The following MRFAP1L1 variants were observed in gnomAD, a reference collection of about 807,000 sequenced individuals.
The protein encoded by MRFAP1L1 is Morf4 family associated protein 1 like 1, also known as MORF4 family-associated protein 1-like 1.
Under a neutral mutation model 10.6 loss-of-function variants are expected in MRFAP1L1, and 9 were observed. That is an observed-to-expected ratio of 0.85 (90% CI 0.51 to 1.48). The LOEUF is 1.48. MRFAP1L1 is among the 40% of genes most tolerant of loss of function. The pLI, the probability that MRFAP1L1 is intolerant of heterozygous loss-of-function variation, is 0.00. For missense variants in MRFAP1L1, 177 were observed against 171.4 expected, an observed-to-expected ratio of 1.03 and a Z score of -0.18; for synonymous variants, 78 against 70.4, an observed-to-expected ratio of 1.11 and a Z score of -0.54.
At position 6,709,131 on chromosome 4, in the gene MRFAP1L1, G is replaced by A. The variant is rs533235111; in HGVS notation, c.*15+100C>T. 2,035 of 1,270,826 alleles carry A rather than the reference G, an allele frequency of 1.6e-3. 6 individuals are homozygous for A. Among genetic ancestry groups the A allele is most frequent in the Non-Finnish European group, 2.1e-3 (1,899 of 909,498 alleles). The allele number at this position is 1,270,826 out of a possible 1,614,324, so 78.7% of individuals were successfully genotyped here. A position where few individuals can be genotyped will look rare whatever the true frequency, so the allele number is the denominator to read the frequency against. ...TCAATTTTTGATGCAATAAAATGGG[G>A]GATGCAGGCCTAGAACATAACTTTT... On this transcript the variant is annotated intron_variant, in intron 1 of 1. Transcript: ENST00000320848.
rs1714718836 is a variant in MRFAP1L1, at chr4:6,709,506, G to A, written c.124C>T (p.Leu42Phe). 3 of 1,614,168 alleles carry A rather than the reference G, an allele frequency of 1.9e-6. No homozygotes were observed. Among genetic ancestry groups the A allele is most frequent in the South Asian group, 1.1e-5 (1 of 91,096 alleles). Reference sequence around the variant, plus strand: ...TACGCCCGCCCGTGCTCGCGTATAAGAGACGCGATGTCCTCGCGCATCTCG... The same window carrying A: ...TACGCCCGCCCGTGCTCGCGTATAAAAGACGCGATGTCCTCGCGCATCTCG... ...INEMREDIAS[L>F]IREHGRAYLR... The change falls in exon 1 of 2, where the codon CTT (leucine) becomes TTT (phenylalanine). Residue 42 changes from leucine to phenylalanine, a missense_variant. Physicochemically the swap from Leu to Phe is conservative, Grantham distance 22. Transcript: ENST00000320848.
At chr4:6,709,161 G>A in intron 1 of MRFAP1L1, 70 bp downstream of exon 1, 13 of 1,517,092 alleles carry the variant, frequency 8.6e-6, no homozygotes, top group South Asian at 6.2e-5. Flanking sequence ...ACTTTTTACA[G>A]GGCGCGGTTT....
chr4:6,708,796 T>C (rs562680546), intron 1 of MRFAP1L1, 153 bp from the exon 2 acceptor site: 349 of 164,210 alleles, frequency 2.1e-3, no homozygotes, highest in Non-Finnish European at 2.3e-3. Flanking sequence ...AATCTGGAAA[T>C]TTCAGGTAAT....
In MRFAP1L1 at chr4:6,709,766, A is replaced by C; in HGVS notation, c.-137T>G. 1 of 1,158,786 alleles carries C rather than the reference A, an allele frequency of 8.6e-7. No individual in the cohort carries two copies. The highest frequency in any genetic ancestry group is 1.2e-6 in the Non-Finnish European group (1 of 836,314). 71.8% of individuals were successfully genotyped at this position (1,158,786 alleles called of 1,614,324 possible). On this transcript the variant is annotated 5_prime_UTR_variant, in exon 1 of 2. Coordinates refer to ENST00000320848, the MANE Select transcript of MRFAP1L1 (RefSeq NM_203462.3). ...TCAATTGTACTCCCGAATTATCTTT[A>C]TTTTTTTTTCTTCCTTTTAATTGTA...
At chr4:6,709,001 CTAAT>C in intron 1 of MRFAP1L1, 1 of 541,780 alleles carries the variant, frequency 1.8e-6, no homozygotes. Context: ...TTATCTTTCT[CTAAT>C]TAACAGCGTG....
At position 6,709,333 on chromosome 4, in the gene MRFAP1L1, C is replaced by T. The variant is rs1406782791; in HGVS notation, c.297G>A (p.Lys99=). 1 of 1,614,274 alleles carries T rather than the reference C, an allele frequency of 6.2e-7. No homozygotes were observed. Among genetic ancestry groups the T allele is most frequent in the South Asian group, 1.1e-5 (1 of 91,090 alleles). ...CAATCTCCTTGGCTTTCTCCTCAGC[C>T]TTCTCGCACAACTCCGACACTCTCT... ...ADERVSELCE[K]AEEKAKEIAK... is the part of the protein sequence containing the mutation. The change falls in exon 1 of 2, where the codon AAG becomes AAA. Residue 99 remains lysine (K), a synonymous_variant. Coordinates refer to ENST00000320848, the MANE Select transcript of MRFAP1L1 (RefSeq NM_203462.3).
chr4:6,708,915 T>C, intron 1 of MRFAP1L1: 1 of 335,930 alleles, frequency 3.0e-6, no homozygotes, highest in Non-Finnish European at 5.7e-6. Context: ...CCTTAGTGCC[T>C]AGACAGGTCT....
rs1714653425 is a variant in MRFAP1L1, at chr4:6,708,157, C to G, written c.*502G>C. The G allele has an allele frequency of 6.6e-6, 1 of 152,654 alleles. No individual in the cohort carries two copies. The highest frequency in any genetic ancestry group is 1.9e-4 in the East Asian group (1 of 5,202). 9.5% of individuals were successfully genotyped at this position (152,654 alleles called of 1,614,324 possible). ...CCAAAATATATACAAAACCATCTTC[C>G]ATCTCCAACTGTCTTCTCTTTCTTC... On this transcript the variant is annotated 3_prime_UTR_variant, in exon 2 of 2. Coordinates refer to ENST00000320848, the MANE Select transcript of MRFAP1L1 (RefSeq NM_203462.3).
At position 6,709,435 on chromosome 4, in the gene MRFAP1L1, G is replaced by C; in HGVS notation, c.195C>G (p.Ile65Met). 6.2e-7 allele frequency: 1 copy of C among 1,614,260 alleles called. No homozygotes were observed. Among genetic ancestry groups the C allele is most frequent in the Non-Finnish European group, 8.5e-7 (1 of 1,180,044 alleles). Residue 65 changes from isoleucine (I) to methionine (M), a missense_variant, in exon 1 of 2, where the codon ATC (isoleucine) becomes ATG (methionine). Ile to Met is a conservative substitution (Grantham distance 10). Transcript: ENST00000320848. ...SKLWEMDNML[I>M]QIKTQVEASE... is the part of the protein sequence containing the mutation. ...AGGCCTCCACCTGCGTTTTGATCTG[G>C]ATAAGCATATTGTCCATCTCCCACA... is the stretch of plus-strand genomic sequence containing the variant.
chr4:6,707,902 T>C lies in MRFAP1L1; in HGVS notation c.*757A>G, dbSNP rs894824963. ...GACTTTCCAGGCCCTGATAATGTCTTTTCCTTTCTCCGGCCTCTTAAAGCT... is the reference window on the plus strand; with the variant it reads ...GACTTTCCAGGCCCTGATAATGTCTCTTCCTTTCTCCGGCCTCTTAAAGCT... On this transcript the variant is annotated 3_prime_UTR_variant, in exon 2 of 2. Transcript: ENST00000320848. The C allele has an allele frequency of 5.9e-5, 9 of 152,566 alleles. No homozygotes were observed. Among genetic ancestry groups the C allele is most frequent in the African/African-American group, 1.9e-4 (8 of 41,430 alleles). 9.5% of individuals were successfully genotyped at this position (152,566 alleles called of 1,614,324 possible). A position where few individuals can be genotyped will look rare whatever the true frequency, so the allele number is the denominator to read the frequency against.
Position 6,709,223 on chromosome 4 carries a change from G to A in MRFAP1L1, c.*15+8C>T, listed in dbSNP as rs749249363. On this transcript the variant is annotated splice_region_variant and intron_variant, in intron 1 of 1. Transcript: ENST00000320848. Reference sequence around the variant, plus strand: ...TTCATCCAAGCTCCAGCTAGTTTCCGACCTTACCACCGATCTCCTCCTTCA... The same window carrying A: ...TTCATCCAAGCTCCAGCTAGTTTCCAACCTTACCACCGATCTCCTCCTTCA... The A allele has an allele frequency of 1.2e-6, 2 of 1,608,034 alleles. No individual in the cohort carries two copies. Among genetic ancestry groups the A allele is most frequent in the African/African-American group, 2.7e-5 (2 of 74,794 alleles).
chr4:6,709,701 C>T lies in MRFAP1L1; in HGVS notation c.-72G>A, dbSNP rs913602786. The T allele has an allele frequency of 1.3e-6, 2 of 1,546,468 alleles. No homozygotes were observed. The highest frequency in any genetic ancestry group is 2.7e-5 in the African/African-American group (2 of 73,102). On this transcript the variant is annotated 5_prime_UTR_variant, in exon 1 of 2. Transcript: ENST00000320848. ...CCGGAACCCTCCAAGAACTGGAGAT[C>T]AGCAGTTACTGCTGGAGGCTGAGCG...
At chr4:6,709,104 G>T in intron 1 of MRFAP1L1, 127 bp downstream of exon 1, 2 of 1,069,644 alleles carry the variant, frequency 1.9e-6, no homozygotes, top group East Asian at 2.5e-5. Context: ...TGTTCCCAAT[G>T]CTCAATTTTT....
Position 6,709,273 on chromosome 4 carries a change from C to A in MRFAP1L1, c.357G>T (p.Trp119Cys). The A allele has an allele frequency of 6.2e-7, 1 of 1,614,212 alleles. No homozygotes were observed. Among genetic ancestry groups the A allele is most frequent in the Non-Finnish European group, 8.5e-7 (1 of 1,179,998 alleles). The change falls in exon 1 of 2, where the codon TGG becomes TGT. Residue 119 changes from tryptophan (W) to cysteine (C), a missense_variant. Transcript: ENST00000320848. ...AAGAAGACTCGCTTCTCTCTATTCG[C>A]CAGACGAGCTCGACCAGCATCTCTG... ...KMAEMLVELV[W>C]RIERSESS
chr4:6,709,608 C>A lies in MRFAP1L1; in HGVS notation c.22G>T (p.Glu8Ter), dbSNP rs754118194. Residue 8 changes from glutamate to a stop codon, truncating the protein, a stop_gained, in exon 1 of 2, where the codon GAG becomes TAG. Transcript: ENST00000320848. LOFTEE classifies it high-confidence loss of function. ...TCCACTTCCTCAGGCGCTTCCACCT[C>A]GTCTATGTCCAGGGGCCGCATCTCC... Reference protein sequence around the residue: MRPLDIDEVEAPEEVEVL... With the variant: MRPLDID 2.5e-6 allele frequency: 4 copies of A among 1,613,022 alleles called. No homozygotes were observed. The highest frequency in any genetic ancestry group is 1.6e-4 in the Middle Eastern group (1 of 6,076).
Sources: gnomAD v4.1 joint callset for allele counts on GRCh38, gnomAD v4.1.1 for gene constraint, MANE v1.5 for transcripts, NCBI Gene and HGNC (gene_info 2026-07-23, HGNC 2026-07-21) for gene names.